CEP152: variants seen among roughly 807,000 people sequenced by gnomAD.
CEP152 encodes centrosomal protein of 152 kDa.
In CEP152, 132 loss-of-function variants were observed where a neutral mutation model predicts 188.9. The ratio of observed to expected loss-of-function variants is 0.70; its 90% CI spans 0.61 to 0.81. The LOEUF is 0.81. CEP152 is among the 30% of genes least tolerant of loss of function. CEP152 has a pLI of 0.00. For synonymous variants in CEP152, 649 were observed against 666.6 expected, an observed-to-expected ratio of 0.97 and a Z score of 0.41; for missense variants, 1,914 against 1,969.8, an observed-to-expected ratio of 0.97 and a Z score of 0.54.
intron 10 of CEP152, among the ~76,000 whole-genome samples, chr15:48,783,007 G>A (rs904032468): frequency 2.0e-5 from 3 of 152,122 alleles, no homozygotes; most frequent in South Asian, 4.1e-4. Flanking sequence ...GGCAGTCTTT[G>A]ACTTTAGTAT....
intron 5 of CEP152, among the ~76,000 whole-genome samples, chr15:48,796,621 C>A (rs538647023): frequency 6.6e-6 from 1 of 152,026 alleles, no homozygotes; most frequent in African/African-American, 2.4e-5. Context: ...TAACATTCTA[C>A]GGAGATAGAA....
At position 48,805,619 on chromosome 15, in the gene CEP152, G is replaced by C; in HGVS notation, c.31C>G (p.Pro11Ala). The change falls in exon 2 of 27, where the codon CCA becomes GCA. Residue 11 changes from proline (P) to alanine (A), a missense_variant. Pro to Ala is a conservative substitution (Grantham distance 27). Transcript: ENST00000380950. MSLDFGSVAL[P>A]VQNEDEEYDE... The stretch of plus-strand genomic sequence containing the variant: ...TACTCTTCATCTTCATTTTGCACTG[G>C]TAGTGCCACACTGCCAAAGTCTAAT... 1 of 1,610,796 alleles carries C rather than the reference G, an allele frequency of 6.2e-7. No homozygotes were observed. Among genetic ancestry groups the C allele is most frequent in the Non-Finnish European group, 8.5e-7 (1 of 1,179,284 alleles).
intron 12 of CEP152, among the ~76,000 whole-genome samples, chr15:48,777,482 G>A (rs1895988120): frequency 1.3e-5 from 2 of 151,678 alleles, no homozygotes; most frequent in East Asian, 1.9e-4. Flanking sequence ...GTGTGTGTGT[G>A]TGTGTGTGTG....
rs894967483 is a variant in CEP152 at position 48,732,929 on chromosome 15, T to C, written c.142+8702A>G. ...CATGGTGAGATCCCTTACTTATAAT[T>C]AAAAAAAAAAAATTAGCCAGGCATG... On this transcript the variant is annotated intron_variant and NMD_transcript_variant, in intron 2 of 3. Transcript: ENST00000561245. Among the ~76,000 whole-genome samples the C allele has an allele frequency of 1.4e-5, 2 of 143,946 alleles. 1 individual carries two copies. Among genetic ancestry groups the C allele is most frequent in the South Asian group, 4.4e-4 (2 of 4,548 alleles). The allele number at this position is 143,946 out of a possible 152,430, so 94.4% of individuals were successfully genotyped here. A position where few individuals can be genotyped will look rare whatever the true frequency, so the allele number is the denominator to read the frequency against.
chr15:48,791,145 A>G (rs1323261965), intron 8 of CEP152, 92 bp downstream of exon 8: 4 of 1,115,990 alleles, frequency 3.6e-6, no homozygotes, highest in African/African-American at 1.6e-5. Context: ...AATAACTTCA[A>G]AGTTCTTCTA....
At chr15:48,751,549 A>G (rs1039720573) in intron 21 of CEP152, among the ~76,000 whole-genome samples, 1 of 152,196 alleles carries the variant, frequency 6.6e-6, no homozygotes, top group Non-Finnish European at 1.5e-5. Context: ...AATGTGTGCA[A>G]ACTGAGGTTA....
intron 26 of CEP152, among the ~76,000 whole-genome samples, chr15:48,740,133 A>G (rs1470034408): frequency 6.6e-6 from 1 of 152,184 alleles, no homozygotes. Context: ...ATGTATTTCT[A>G]TCAGCTCTTG....
intron 12 of CEP152, chr15:48,773,420 C>A (rs541687971): frequency 1.3e-5 from 2 of 152,632 alleles, no homozygotes; most frequent in African/African-American, 4.8e-5. Flanking sequence ...AGTGTCCAGG[C>A]CATAGCACAG....
In CEP152 at chr15:48,738,844, C is replaced by A. The variant is rs1566971329; in HGVS notation, c.4538G>T (p.Gly1513Val). The A allele has an allele frequency of 6.2e-7, 1 of 1,613,994 alleles. No individual in the cohort carries two copies. The highest frequency in any genetic ancestry group is 8.5e-7 in the Non-Finnish European group (1 of 1,180,020). Reference sequence around the variant, plus strand: ...ATGCATGCATCCTGATTCAGAAGGACCAGGGGTACATCTAGGTGAGGGTTT... The same window carrying A: ...ATGCATGCATCCTGATTCAGAAGGAACAGGGGTACATCTAGGTGAGGGTTT... ...GNKPSPRCTP[G>V]PSESGCMHIT... Residue 1513 changes from glycine to valine, a missense_variant, in exon 27 of 27, where the codon GGT (glycine) becomes GTT (valine). Coordinates refer to ENST00000380950, the MANE Select transcript of CEP152 (RefSeq NM_001194998.2).
At position 48,739,218 on chromosome 15, in the gene CEP152, TA is replaced by T. The variant is rs746712704; in HGVS notation, c.4163del (p.Ile1388AsnfsTer12). 1.2e-6 allele frequency: 2 copies of T among 1,613,126 alleles called. No homozygotes were observed. Among genetic ancestry groups the T allele is most frequent in the South Asian group, 2.2e-5 (2 of 90,610 alleles). On this transcript the variant is annotated frameshift_variant, in exon 27 of 27. Coordinates refer to ENST00000380950, the MANE Select transcript of CEP152 (RefSeq NM_001194998.2). LOFTEE classifies it low-confidence loss of function (END_TRUNC). ...KSKRNDVNQK[I>X]PCCIESKSNS... ...TTGATTTGCTTTCAATACAACATGG[TA>T]TTTTCTGATTCACATCATTTCTTTT...
At chr15:48,740,203 T>C (rs1177127850) in intron 26 of CEP152, among the ~76,000 whole-genome samples, 3 of 152,240 alleles carry the variant, frequency 2.0e-5, no homozygotes, top group Non-Finnish European at 4.4e-5. Context: ...TGGGAGACTA[T>C]TCCATTATCA....
At chr15:48,808,003 A>C (rs1898095900) in intron 1 of CEP152, among the ~76,000 whole-genome samples, 1 of 152,144 alleles carries the variant, frequency 6.6e-6, no homozygotes, top group African/African-American at 2.4e-5. Context: ...GAAAAGACCA[A>C]AATCTCCCCC....
At chr15:48,753,837 G>GA (rs1436453331) in intron 20 of CEP152, among the ~76,000 whole-genome samples, 2 of 152,002 alleles carry the variant, frequency 1.3e-5, no homozygotes. Context: ...TCATTTTCTT[G>GA]AAAGCTATAT....
In CEP152 at chr15:48,744,337, C is replaced by A. The variant is rs942704966; in HGVS notation, c.3738G>T (p.Leu1246Phe). 3.3e-5 allele frequency: 54 copies of A among 1,613,810 alleles called. No individual in the cohort carries two copies. Among genetic ancestry groups the A allele is most frequent in the Non-Finnish European group, 4.4e-5 (52 of 1,179,944 alleles). ...AAGCATTTTCAATGGCCCCTGCTGA[C>A]AATGACCTAAAAAACAAACCAAAGA... is the stretch of plus-strand genomic sequence containing the variant. ...QTLCKTPPRS[L>F]SAGAIENACL... The change falls in exon 24 of 27, where the codon TTG (leucine) becomes TTT (phenylalanine). Residue 1246 changes from leucine (L) to phenylalanine (F), a missense_variant. Physicochemically the swap from Leu to Phe is conservative, Grantham distance 22. Transcript: ENST00000380950.
At chr15:48,733,352 A>G (rs1406968691), downstream of CEP152, among the ~76,000 whole-genome samples, 4 of 152,226 alleles carry the variant, frequency 2.6e-5, no homozygotes, top group Non-Finnish European at 5.9e-5. Flanking sequence ...ATTTAAAAAG[A>G]GCCAAATGAA....
downstream of CEP152, among the ~76,000 whole-genome samples, chr15:48,735,809 A>T (rs1392444019): frequency 6.6e-6 from 1 of 152,152 alleles, no homozygotes; most frequent in Non-Finnish European, 1.5e-5. Context: ...AAGAGGGAAA[A>T]ATCAATGAAA....
intron 21 of CEP152, among the ~76,000 whole-genome samples, chr15:48,749,562 A>G (rs2140624471): frequency 6.6e-6 from 1 of 152,232 alleles, no homozygotes; most frequent in South Asian, 2.1e-4. Flanking sequence ...ACATATGGAC[A>G]CCACAATTTT....
chr15:48,782,139 T>G lies in CEP152; in HGVS notation c.1413A>C (p.Gln471His), dbSNP rs1186026686. 1 of 1,613,492 alleles carries G rather than the reference T, an allele frequency of 6.2e-7. No homozygotes were observed. The highest frequency in any genetic ancestry group is 1.7e-5 in the Admixed American group (1 of 60,018). The change falls in exon 11 of 27, where the codon CAA becomes CAC. Residue 471 changes from glutamine (Q) to histidine (H), a missense_variant and splice_region_variant. Gln to His is a conservative substitution (Grantham distance 24). Transcript: ENST00000380950. The part of the protein sequence containing the change: ...AMSANMNKAL[Q>H]EELTELKDEI... ...GCCTCTTCCAAGTGGCAACACTCAC[T>G]TGCAAAGCCTTGTTCATGTTTGCAC... is the stretch of plus-strand genomic sequence containing the variant.
chr15:48,742,190 G>T, intron 24 of CEP152, 90 bp from the exon 25 acceptor site: 1 of 1,123,364 alleles, frequency 8.9e-7, no homozygotes. Context: ...CAATTTTCTG[G>T]TAGATGAAGT....
Sources: gnomAD v4.1 joint callset for allele counts (sites outside exome capture counted in the v4.1 genomes callset) on GRCh38, gnomAD v4.1.1 for gene constraint, MANE v1.5 for transcripts, NCBI Gene and HGNC (gene_info 2026-07-23, HGNC 2026-07-21) for gene names.